Variants in EDIL3 observed in about 807,000 individuals in gnomAD.
EDIL3 encodes EGF like and discoidin domains 3.
A neutral mutation model predicts 67.4 loss-of-function variants in EDIL3; 37 were observed. That is an observed-to-expected ratio of 0.55 (90% CI 0.42 to 0.72). The LOEUF is 0.72. EDIL3 is among the 30% of genes least tolerant of loss of function. The pLI is 0.00. For synonymous variants in EDIL3, 195 were observed against 196.3 expected (o/e 0.99, Z 0.05); for missense variants, 527 against 586.3 (o/e 0.90, Z 1.04).
intron 10 of EDIL3, among the ~76,000 whole-genome samples, chr5:83,959,190 T>G (rs1234990326): frequency 1.3e-4 from 19 of 148,434 alleles, no homozygotes; most frequent in Non-Finnish European, 2.2e-4. Flanking sequence ...TGTGTGTGTG[T>G]GGGTGTGTAT....
At chr5:84,053,880 C>T (rs1234147229) in intron 9 of EDIL3, among the ~76,000 whole-genome samples, 1 of 152,064 alleles carries the variant, frequency 6.6e-6, no homozygotes, top group South Asian at 2.1e-4. Flanking sequence ...ACCAGAGGTA[C>T]AAGGAGGAGA....
intron 1 of EDIL3, among the ~76,000 whole-genome samples, chr5:84,268,822 C>T (rs1356640732): frequency 6.6e-6 from 1 of 152,116 alleles, no homozygotes; most frequent in Admixed American, 6.5e-5. Context: ...AGTGTAAGCT[C>T]ACTGTAAACA....
intron 1 of EDIL3, among the ~76,000 whole-genome samples, chr5:84,354,768 T>C (rs897754444): frequency 2.6e-5 from 4 of 152,222 alleles, no homozygotes; most frequent in Admixed American, 6.5e-5. Flanking sequence ...ATCTATGTAC[T>C]ATAAAATTCC....
intron 9 of EDIL3, among the ~76,000 whole-genome samples, chr5:83,985,365 A>G (rs184758592): frequency 6.6e-6 from 1 of 152,248 alleles, no homozygotes; most frequent in African/African-American, 2.4e-5. Flanking sequence ...TTGTTTGGAC[A>G]AATTTTTTTA....
intron 9 of EDIL3, among the ~76,000 whole-genome samples, chr5:83,980,239 G>GTGT (rs1554061793): frequency 6.8e-6 from 1 of 146,792 alleles, no homozygotes; most frequent in African/African-American, 2.5e-5. Context: ...TGAGGTGTGT[G>GTGT]TTTTTTTTTT....
In EDIL3 at chr5:84,366,332, C is replaced by T. The variant is rs114912396; in HGVS notation, c.67+17976G>A. Among the ~76,000 whole-genome samples the T allele has an allele frequency of 7.5e-3, 1,141 of 152,140 alleles. 9 individuals carry two copies. Among genetic ancestry groups the T allele is most frequent in the African/African-American group, 0.026 (1,059 of 41,510 alleles). On this transcript the variant is annotated intron_variant, in intron 1 of 10. Transcript: ENST00000296591. ...CACAGATATGGTTCTATGCACTTAA[C>T]CTCTATTAAACCCTTAAAATAACCT...
At chr5:84,230,575 T>C (rs776387455) in intron 2 of EDIL3, among the ~76,000 whole-genome samples, 3 of 152,058 alleles carry the variant, frequency 2.0e-5, no homozygotes, top group Non-Finnish European at 4.4e-5. Context: ...ACCTGGCTAA[T>C]GTTGTACTTT....
intron 9 of EDIL3, among the ~76,000 whole-genome samples, chr5:84,004,574 G>T (rs1745381923): frequency 6.6e-6 from 1 of 152,000 alleles, no homozygotes; most frequent in Non-Finnish European, 1.5e-5. Flanking sequence ...TAAACAATTG[G>T]CTGCTGAATG....
At chr5:84,106,561 C>A in intron 6 of EDIL3, 88 bp downstream of exon 6, 1 of 1,437,040 alleles carries the variant, frequency 7.0e-7, no homozygotes, top group Non-Finnish European at 9.2e-7. Flanking sequence ...AAGAGTCACA[C>A]TGAGTTCCCT....
In EDIL3 at chr5:83,942,921, A is replaced by G. The variant is rs1189862910; in HGVS notation, c.*498T>C. 1.9e-5 allele frequency: 3 copies of G among 157,568 alleles called. No individual in the cohort carries two copies. The highest frequency in any genetic ancestry group is 4.8e-5 in the African/African-American group (2 of 41,454). 9.8% of individuals were successfully genotyped at this position (157,568 alleles called of 1,614,324 possible). A position where few individuals can be genotyped will look rare whatever the true frequency, so the allele number is the denominator to read the frequency against. On this transcript the variant is annotated 3_prime_UTR_variant, in exon 11 of 11. Transcript: ENST00000296591. Reference sequence around the variant, plus strand: ...ACATATTCTTCTTTAAAATTTTGTAATAAACATTGACAGTGTTTGGTAGGC... The same window carrying G: ...ACATATTCTTCTTTAAAATTTTGTAGTAAACATTGACAGTGTTTGGTAGGC...
intron 1 of EDIL3, among the ~76,000 whole-genome samples, chr5:84,277,621 A>C (rs1265089578): frequency 6.6e-6 from 1 of 152,198 alleles, no homozygotes; most frequent in Non-Finnish European, 1.5e-5. Context: ...TATGAGTGCC[A>C]TAACTTTTCA....
In EDIL3 at chr5:84,005,671, C is replaced by T. The variant is rs1382107802; in HGVS notation, c.1138-42311G>A. Among the ~76,000 whole-genome samples the T allele has an allele frequency of 2.6e-5, 4 of 152,084 alleles. No individual in the cohort carries two copies. The East Asian group carries it at 5.8e-4, about 22-fold the overall frequency. Reference sequence around the variant, plus strand: ...ACAAATTAGGCATCAAAGCGACATACCTCAAATAATAAGAACGATAAATGA... The same window carrying T: ...ACAAATTAGGCATCAAAGCGACATATCTCAAATAATAAGAACGATAAATGA... On this transcript the variant is annotated intron_variant, in intron 9 of 10. Transcript: ENST00000296591.
intron 4 of EDIL3, among the ~76,000 whole-genome samples, chr5:84,169,060 C>T (rs1423032625): frequency 6.6e-6 from 1 of 151,928 alleles, no homozygotes; most frequent in Non-Finnish European, 1.5e-5. Flanking sequence ...CATACTTGAC[C>T]CCCTGACTTC....
intron 10 of EDIL3, among the ~76,000 whole-genome samples, chr5:83,945,155 C>A (rs1023020462): frequency 1.3e-5 from 2 of 151,962 alleles, no homozygotes; most frequent in African/African-American, 2.4e-5. Context: ...ATTTAGCAGG[C>A]ATTTTATGCT....
At chr5:84,098,276 T>C (rs1747301476) in intron 6 of EDIL3, among the ~76,000 whole-genome samples, 2 of 152,084 alleles carry the variant, frequency 1.3e-5, no homozygotes, top group Non-Finnish European at 2.9e-5. Context: ...AATTAGTGCA[T>C]GTTTGTCATA....
At chr5:84,073,210 G>A (rs1005332719) in intron 6 of EDIL3, among the ~76,000 whole-genome samples, 5 of 152,008 alleles carry the variant, frequency 3.3e-5, no homozygotes, top group Non-Finnish European at 4.4e-5. Context: ...AATAATAAGG[G>A]CTATCTATGA....
chr5:84,271,444 TAAA>T (rs1241029620), intron 1 of EDIL3, among the ~76,000 whole-genome samples: 9 of 149,632 alleles, frequency 6.0e-5, no homozygotes, highest in South Asian at 2.1e-4. Context: ...AATAAATAAA[TAAA>T]TAAATAAATA....
intron 5 of EDIL3, among the ~76,000 whole-genome samples, chr5:84,130,207 A>C (rs539112768): frequency 1.3e-5 from 2 of 152,172 alleles, no homozygotes; most frequent in Non-Finnish European, 2.9e-5. Flanking sequence ...TTTTGCCCTC[A>C]TGGCACTTAC....
chr5:84,360,101 T>G (rs576807734), intron 1 of EDIL3, among the ~76,000 whole-genome samples: 26 of 152,174 alleles, frequency 1.7e-4, no homozygotes, highest in Non-Finnish European at 2.9e-4. Context: ...AAACTACTAC[T>G]ACCACACTGA....
Sources: gnomAD v4.1 joint callset for allele counts (sites outside exome capture counted in the v4.1 genomes callset) on GRCh38, gnomAD v4.1.1 for gene constraint, MANE v1.5 for transcripts, NCBI Gene and HGNC (gene_info 2026-07-23, HGNC 2026-07-21) for gene names.